Variants in LRMDA observed in about 807,000 individuals in gnomAD.
The protein encoded by LRMDA is leucine-rich melanocyte differentiation-associated protein.
Under a neutral mutation model 29.8 loss-of-function variants are expected in LRMDA, and 18 were observed. The observed-to-expected ratio is 0.60, with a 90% CI of 0.42 to 0.90. LRMDA has a LOEUF of 0.90. LRMDA is among the 40% of genes least tolerant of loss of function. LRMDA has a pLI of 0.00. For missense variants in LRMDA, 273 were observed against 273.9 expected (o/e 1.00, Z 0.02); for synonymous variants, 125 against 109.4 (o/e 1.14, Z -0.89).
At chr10:76,254,040 T>C (rs1262953743) in intron 5 of LRMDA, among the ~76,000 whole-genome samples, 1 of 152,118 alleles carries the variant, frequency 6.6e-6, no homozygotes, top group Non-Finnish European at 1.5e-5. Context: ...TTTCCAACAG[T>C]AGACTTATTT....
At chr10:75,687,279 G>A (rs1842094260) in intron 2 of LRMDA, among the ~76,000 whole-genome samples, 1 of 152,244 alleles carries the variant, frequency 6.6e-6, no homozygotes, top group Admixed American at 6.5e-5. Context: ...TAGTCAAGTT[G>A]TGAAAGCAAA....
intron 2 of LRMDA, among the ~76,000 whole-genome samples, chr10:75,984,095 T>A (rs1847221362): frequency 6.6e-6 from 1 of 152,168 alleles, no homozygotes; most frequent in Admixed American, 6.5e-5. Flanking sequence ...CGTGTGAGAA[T>A]GTCAGTGTCT....
At chr10:76,029,594 C>A (rs968525949) in intron 2 of LRMDA, among the ~76,000 whole-genome samples, 1 of 152,188 alleles carries the variant, frequency 6.6e-6, no homozygotes, top group Non-Finnish European at 1.5e-5. Context: ...ATAGGAGAAT[C>A]TACCTTCTTA....
At chr10:76,155,088 A>G (rs1156597905) in intron 5 of LRMDA, among the ~76,000 whole-genome samples, 1 of 152,206 alleles carries the variant, frequency 6.6e-6, no homozygotes, top group East Asian at 1.9e-4. Context: ...AGAATGAGAC[A>G]ATAGATTTTG....
intron 6 of LRMDA, among the ~76,000 whole-genome samples, chr10:76,400,828 G>C (rs957704015): frequency 3.3e-5 from 5 of 152,108 alleles, no homozygotes; most frequent in African/African-American, 1.2e-4. Context: ...ATAGGGGACT[G>C]GTTTGAGAAC....
intron 2 of LRMDA, among the ~76,000 whole-genome samples, chr10:75,881,956 G>A (rs1845302041): frequency 6.6e-6 from 1 of 152,244 alleles, no homozygotes; most frequent in Non-Finnish European, 1.5e-5. Context: ...TGGTGTTGTG[G>A]TGGGACCTTG....
intron 2 of LRMDA, among the ~76,000 whole-genome samples, chr10:75,828,419 A>G (rs1409635751): frequency 6.6e-6 from 1 of 152,230 alleles, no homozygotes; most frequent in African/African-American, 2.4e-5. Flanking sequence ...GAAAATATTA[A>G]CAACCCTGAA....
At chr10:75,524,269 A>G (rs1845391348) in intron 2 of LRMDA, among the ~76,000 whole-genome samples, 1 of 152,190 alleles carries the variant, frequency 6.6e-6, no homozygotes, top group Non-Finnish European at 1.5e-5. Flanking sequence ...GCATTCATCC[A>G]TGTAAATAAT....
At chr10:76,482,031 T>C (rs1251098110) in intron 6 of LRMDA, among the ~76,000 whole-genome samples, 1 of 151,946 alleles carries the variant, frequency 6.6e-6, no homozygotes, top group Non-Finnish European at 1.5e-5. Context: ...TTATCATTCT[T>C]GTGTCAACAC....
chr10:76,017,080 C>T (rs911586733), intron 2 of LRMDA, among the ~76,000 whole-genome samples: 6 of 152,216 alleles, frequency 3.9e-5, no homozygotes, highest in African/African-American at 1.4e-4. Flanking sequence ...AGTTAAGAAG[C>T]GCTCATACTG....
At chr10:75,757,586 G>A (rs73290550) in intron 2 of LRMDA, among the ~76,000 whole-genome samples, 9,164 of 152,008 alleles carry the variant, frequency 0.06, 754 homozygotes, top group African/African-American at 0.19. Flanking sequence ...CATGTGTCTT[G>A]ACCACTTTTC....
At chr10:75,850,895 G>A (rs940527787) in intron 2 of LRMDA, among the ~76,000 whole-genome samples, 3 of 152,132 alleles carry the variant, frequency 2.0e-5, no homozygotes, top group Non-Finnish European at 4.4e-5. Flanking sequence ...AGTATGCAGA[G>A]GTTTGAAGGC....
chr10:75,463,394 C>T (rs887472321), intron 2 of LRMDA, among the ~76,000 whole-genome samples: 2 of 152,142 alleles, frequency 1.3e-5, no homozygotes, highest in African/African-American at 4.8e-5. Context: ...CAGTCCATTC[C>T]TCCCACAGAC....
intron 5 of LRMDA, among the ~76,000 whole-genome samples, chr10:76,120,378 G>A (rs1350311639): frequency 2.0e-5 from 3 of 151,916 alleles, no homozygotes; most frequent in Admixed American, 2.0e-4. Flanking sequence ...AGCGGAGACA[G>A]GATTTTGCCA....
chr10:75,701,876 A>G (rs2132170154), intron 2 of LRMDA, among the ~76,000 whole-genome samples: 1 of 152,278 alleles, frequency 6.6e-6, no homozygotes, highest in Middle Eastern at 3.4e-3. Flanking sequence ...TGTCACTCCC[A>G]GGCTACAACC....
chr10:75,868,805 C>G (rs755049676), intron 2 of LRMDA, among the ~76,000 whole-genome samples: 1 of 152,148 alleles, frequency 6.6e-6, no homozygotes, highest in South Asian at 2.1e-4. Context: ...GGCTCACCTT[C>G]AAGGCCTGGC....
chr10:76,060,115 T>C (rs992609554), intron 5 of LRMDA, among the ~76,000 whole-genome samples: 3 of 152,212 alleles, frequency 2.0e-5, no homozygotes, highest in African/African-American at 7.2e-5. Flanking sequence ...AGTCCAGAGA[T>C]AGCCAGCATG....
At chr10:76,278,743 T>C (rs1589407708) in intron 5 of LRMDA, among the ~76,000 whole-genome samples, 1 of 152,346 alleles carries the variant, frequency 6.6e-6, no homozygotes, top group Non-Finnish European at 1.5e-5. Context: ...CTCTGGCCTC[T>C]CCCTTCCTCC....
chr10:75,591,236 C>G (rs114149177), intron 2 of LRMDA, among the ~76,000 whole-genome samples: 4 of 152,272 alleles, frequency 2.6e-5, no homozygotes, highest in South Asian at 4.1e-4. Flanking sequence ...ACTGCCCCCC[C>G]ACCCCATAAT....
Sources: allele counts gnomAD v4.1 joint callset (sites outside exome capture counted in the v4.1 genomes callset), GRCh38; gene constraint gnomAD v4.1.1; transcripts MANE v1.5; gene names NCBI Gene and HGNC (gene_info 2026-07-23, HGNC 2026-07-21).